The following RBFOX1 variants were observed in gnomAD, a reference collection of about 807,000 sequenced individuals.
RBFOX1 encodes the protein RNA binding protein fox-1 homolog 1.
Under a neutral mutation model 57.7 loss-of-function variants are expected in RBFOX1, and 8 were observed. The ratio of observed to expected loss-of-function variants is 0.14; its 90% CI spans 0.08 to 0.25. The LOEUF is 0.25. Ranked by LOEUF, RBFOX1 falls within the 10% of genes least tolerant of loss-of-function variation. The pLI is 1.00. For synonymous variants in RBFOX1, 326 were observed against 222.4 expected, an observed-to-expected ratio of 1.47 and a Z score of -4.15; for missense variants, 611 against 548.5, an observed-to-expected ratio of 1.11 and a Z score of -1.14.
intron 3 of RBFOX1, among the ~76,000 whole-genome samples, chr16:5,703,266 G>A (rs2051117292): frequency 1.3e-5 from 2 of 152,334 alleles, no homozygotes; most frequent in South Asian, 4.1e-4. Flanking sequence ...AGGGCATTGG[G>A]AAAAGGCTTT....
chr16:6,017,775 C>G (rs896861777), upstream of RBFOX1, among the ~76,000 whole-genome samples: 3 of 152,172 alleles, frequency 2.0e-5, no homozygotes, highest in African/African-American at 7.2e-5. Context: ...AAGAGGAACC[C>G]TTAAGGAATC....
At chr16:6,379,136 A>C (rs994077856) in intron 2 of RBFOX1, among the ~76,000 whole-genome samples, 3 of 152,084 alleles carry the variant, frequency 2.0e-5, no homozygotes, top group Non-Finnish European at 4.4e-5. Flanking sequence ...GAAAATAAAG[A>C]ATGGTTTGAG....
chr16:7,021,612 ATAT>A (rs2039134571), intron 3 of RBFOX1, among the ~76,000 whole-genome samples: 2 of 146,608 alleles, frequency 1.4e-5, no homozygotes, highest in African/African-American at 4.9e-5. Context: ...TTTTTATAAA[ATAT>A]AATATTTTAT....
intron 1 of RBFOX1, among the ~76,000 whole-genome samples, chr16:6,076,973 G>A (rs937662389): frequency 6.6e-6 from 1 of 152,164 alleles, no homozygotes; most frequent in African/African-American, 2.4e-5. Flanking sequence ...AGAATCTGGA[G>A]GATCATCATC....
chr16:5,501,754 C>T (rs2043205360), intron 2 of RBFOX1, among the ~76,000 whole-genome samples: 1 of 152,124 alleles, frequency 6.6e-6, no homozygotes, highest in Admixed American at 6.5e-5. Context: ...TGCTCTGTCA[C>T]CCAGGCTGGA....
intron 2 of RBFOX1, chr16:6,483,464 C>G (rs980776402): frequency 6.5e-7 from 1 of 1,535,714 alleles, no homozygotes; most frequent in South Asian, 1.2e-5. Flanking sequence ...GCTGTGTTTT[C>G]CCGGTGAGGA....
intron 3 of RBFOX1, among the ~76,000 whole-genome samples, chr16:5,712,500 G>A (rs1202142102): frequency 6.6e-6 from 1 of 152,228 alleles, no homozygotes. Flanking sequence ...CTCAAGAGCA[G>A]AGGGAAGAGT....
At chr16:6,650,001 G>A (rs949643699) in intron 2 of RBFOX1, among the ~76,000 whole-genome samples, 12 of 152,094 alleles carry the variant, frequency 7.9e-5, no homozygotes, top group Non-Finnish European at 1.3e-4. Context: ...CCCTATCTTG[G>A]CTATTGTGAA....
intron 2 of RBFOX1, among the ~76,000 whole-genome samples, chr16:5,470,533 C>A (rs558706345): frequency 3.2e-4 from 49 of 152,294 alleles, no homozygotes; most frequent in African/African-American, 1.1e-3. Flanking sequence ...CTTTCTATCT[C>A]AGGGCTGTCA....
intron 1 of RBFOX1, among the ~76,000 whole-genome samples, chr16:5,247,074 T>C (rs1428464386): frequency 6.6e-5 from 10 of 152,208 alleles, no homozygotes; most frequent in Admixed American, 5.9e-4. Flanking sequence ...GGCTCATCCA[T>C]GTTGTCTCAA....
chr16:6,227,450 C>T (rs542235904), intron 1 of RBFOX1, among the ~76,000 whole-genome samples: 1 of 152,266 alleles, frequency 6.6e-6, no homozygotes, highest in South Asian at 2.1e-4. Context: ...AAACAAACAA[C>T]AGTAGCAAAC....
intron 1 of RBFOX1, among the ~76,000 whole-genome samples, chr16:6,060,866 C>T (rs1398292059): frequency 1.3e-5 from 2 of 152,310 alleles, no homozygotes; most frequent in East Asian, 1.9e-4. Context: ...GGGTTGGTGT[C>T]TCCTTCTGTC....
At chr16:7,447,247 C>T (rs2098815873) in intron 4 of RBFOX1, among the ~76,000 whole-genome samples, 1 of 151,754 alleles carries the variant, frequency 6.6e-6, no homozygotes, top group Non-Finnish European at 1.5e-5. Flanking sequence ...GCCTGGCCAA[C>T]ATGGGGAAAC....
intron 4 of RBFOX1, among the ~76,000 whole-genome samples, chr16:7,515,944 A>G (rs1393691619): frequency 6.6e-6 from 1 of 152,062 alleles, no homozygotes; most frequent in East Asian, 1.9e-4. Context: ...TCCCACATTC[A>G]AGTGGTTCTC....
At chr16:5,983,180 G>C (rs554112588) in intron 4 of RBFOX1, among the ~76,000 whole-genome samples, 56 of 152,304 alleles carry the variant, frequency 3.7e-4, no homozygotes, top group African/African-American at 1.3e-3. Flanking sequence ...GATGCCTCCT[G>C]TCAGAGCTGA....
intron 2 of RBFOX1, among the ~76,000 whole-genome samples, chr16:5,486,785 CA>C (rs1324058630): frequency 6.6e-6 from 1 of 151,046 alleles, no homozygotes; most frequent in Admixed American, 6.6e-5. Flanking sequence ...TGATAAAACT[CA>C]GTGTTTTTTT....
chr16:7,554,129 A>G (rs2087522230), intron 5 of RBFOX1, among the ~76,000 whole-genome samples: 1 of 152,198 alleles, frequency 6.6e-6, no homozygotes, highest in Non-Finnish European at 1.5e-5. Flanking sequence ...ACAATGACCC[A>G]GATCCTATTC....
chr16:5,261,296 G>A (rs1248252976), intron 1 of RBFOX1, among the ~76,000 whole-genome samples: 3 of 151,990 alleles, frequency 2.0e-5, no homozygotes, highest in Non-Finnish European at 4.4e-5. Flanking sequence ...TCTCATCACT[G>A]GCCTTTTGTC....
intron 14 of RBFOX1, among the ~76,000 whole-genome samples, chr16:7,692,475 G>A (rs932152485): frequency 6.6e-6 from 1 of 152,052 alleles, no homozygotes; most frequent in African/African-American, 2.4e-5. Context: ...CTTGGTTCTT[G>A]GTGATCCATA....
Sources: allele counts gnomAD v4.1 joint callset (sites outside exome capture counted in the v4.1 genomes callset), GRCh38; gene constraint gnomAD v4.1.1; transcripts MANE v1.5; gene names NCBI Gene and HGNC (gene_info 2026-07-23, HGNC 2026-07-21).